KCNIP1: variants seen among roughly 807,000 people sequenced by gnomAD.
KCNIP1 encodes the protein potassium voltage-gated channel interacting protein 1.
A neutral mutation model predicts 33.0 loss-of-function variants in KCNIP1; 18 were observed. The ratio of observed to expected loss-of-function variants is 0.55; its 90% CI spans 0.38 to 0.81. The LOEUF is 0.81. Among genes scored for constraint, KCNIP1 ranks in the 30% least tolerant of loss-of-function variants. The pLI is 0.00. For missense variants in KCNIP1, 238 were observed against 271.6 expected (o/e 0.88, Z 0.87); for synonymous variants, 93 against 98.3 (o/e 0.95, Z 0.32).
intron 1 of KCNIP1, among the ~76,000 whole-genome samples, chr5:170,628,185 A>G (rs1195225867): frequency 6.6e-6 from 1 of 152,144 alleles, no homozygotes; most frequent in Non-Finnish European, 1.5e-5. Context: ...GGGCCTAGCA[A>G]CTTCTCAAGC....
intron 1 of KCNIP1, among the ~76,000 whole-genome samples, chr5:170,359,494 G>A: frequency 6.6e-6 from 1 of 152,094 alleles, no homozygotes; most frequent in East Asian, 1.9e-4. Flanking sequence ...TCCGAGTCCT[G>A]GCTCGCTCAC....
chr5:170,641,688 G>C (rs1329740491), intron 1 of KCNIP1, among the ~76,000 whole-genome samples: 2 of 152,190 alleles, frequency 1.3e-5, no homozygotes, highest in Non-Finnish European at 2.9e-5. Flanking sequence ...GTACCATCTG[G>C]CCAGGAACCG....
In KCNIP1 at chr5:170,686,789, C is replaced by G. The variant is rs117897423; in HGVS notation, c.62-31969C>G. Among the ~76,000 whole-genome samples the G allele has an allele frequency of 1.5e-3, 226 of 152,346 alleles. 3 individuals are homozygous for G. Among genetic ancestry groups the G allele is most frequent in the Admixed American group, 8.9e-3 (136 of 15,306 alleles). The stretch of plus-strand genomic sequence containing the variant: ...AGCCATGTGCTTAGTATATTCCATG[C>G]AGCACTCCACTGAGCCAGTGCCCTT... On this transcript the variant is annotated intron_variant, in intron 1 of 7. Coordinates refer to ENST00000328939, the MANE Select transcript of KCNIP1 (RefSeq NM_014592.4).
intron 1 of KCNIP1, among the ~76,000 whole-genome samples, chr5:170,512,355 T>G (rs1329486432): frequency 6.6e-6 from 1 of 152,208 alleles, no homozygotes; most frequent in Non-Finnish European, 1.5e-5. Context: ...ACACAAGAAC[T>G]TGCTAGTACA....
chr5:170,526,995 T>C (rs1210689004), intron 1 of KCNIP1, among the ~76,000 whole-genome samples: 1 of 152,166 alleles, frequency 6.6e-6, no homozygotes, highest in African/African-American at 2.4e-5. Context: ...AGTTCTGGGA[T>C]TACAGGTGTG....
intron 1 of KCNIP1, among the ~76,000 whole-genome samples, chr5:170,394,261 C>G (rs911259103): frequency 1.3e-5 from 2 of 152,184 alleles, no homozygotes; most frequent in Non-Finnish European, 2.9e-5. Flanking sequence ...CTTCCGCATG[C>G]TGGGAGCACC....
chr5:170,483,275 G>T (rs949063471), intron 1 of KCNIP1: 2 of 273,482 alleles, frequency 7.3e-6, no homozygotes, highest in East Asian at 2.4e-4. Context: ...GGACTAAAAA[G>T]ATGAAAGCCA....
chr5:170,604,552 T>A (rs1233871005), intron 1 of KCNIP1, among the ~76,000 whole-genome samples: 2 of 152,196 alleles, frequency 1.3e-5, no homozygotes, highest in Non-Finnish European at 2.9e-5. Context: ...TCTCTGTGAA[T>A]GGCGAGGCTT....
intron 1 of KCNIP1, chr5:170,375,022 T>C (rs1262023025): frequency 6.6e-6 from 1 of 152,176 alleles, no homozygotes; most frequent in Non-Finnish European, 1.5e-5. Flanking sequence ...TGTATTTTAG[T>C]CCCAAATTCA....
chr5:170,667,586 T>C (rs1181062571), intron 1 of KCNIP1, among the ~76,000 whole-genome samples: 1 of 152,196 alleles, frequency 6.6e-6, no homozygotes. Context: ...GAGTGTGTAC[T>C]GAGGGGCAGT....
At chr5:170,734,340 C>A (rs1385594813) in intron 7 of KCNIP1, among the ~76,000 whole-genome samples, 2 of 152,138 alleles carry the variant, frequency 1.3e-5, no homozygotes, top group African/African-American at 4.8e-5. Flanking sequence ...ATTTCCAGGC[C>A]TCAATCCCAG....
At position 170,540,476 on chromosome 5, in the gene KCNIP1, A is replaced by T. The variant is rs184336108; in HGVS notation, c.61+35843A>T. 1.6e-3 allele frequency among the ~76,000 whole-genome samples: 238 copies of T among 152,234 alleles called. 1 individual carries two copies. Among genetic ancestry groups the T allele is most frequent in the Non-Finnish European group, 1.2e-3 (84 of 68,020 alleles). On this transcript the variant is annotated intron_variant, in intron 1 of 7. Coordinates refer to ENST00000328939, the MANE Select transcript of KCNIP1 (RefSeq NM_014592.4). ...CAGCCCTGCTATGTGGATCTTGGGGACAATAATTTATCCACAATTACACTG... is the reference window on the plus strand; with the variant it reads ...CAGCCCTGCTATGTGGATCTTGGGGTCAATAATTTATCCACAATTACACTG...
At chr5:170,545,728 C>T (rs1039345515) in intron 1 of KCNIP1, among the ~76,000 whole-genome samples, 1 of 151,928 alleles carries the variant, frequency 6.6e-6, no homozygotes, top group Non-Finnish European at 1.5e-5. Flanking sequence ...TTTGAGAAGG[C>T]TATATGTTTT....
At chr5:170,624,278 G>C (rs970098568) in intron 1 of KCNIP1, among the ~76,000 whole-genome samples, 6 of 152,190 alleles carry the variant, frequency 3.9e-5, no homozygotes, top group Non-Finnish European at 8.8e-5. Context: ...TCTAGGTGCA[G>C]GGGATACAGC....
At chr5:170,493,101 G>A (rs1757241099) in intron 1 of KCNIP1, among the ~76,000 whole-genome samples, 1 of 152,164 alleles carries the variant, frequency 6.6e-6, no homozygotes, top group South Asian at 2.1e-4. Flanking sequence ...TGAGGTGCAG[G>A]TCAAATCCCT....
At chr5:170,409,537 C>T (rs974026703) in intron 1 of KCNIP1, among the ~76,000 whole-genome samples, 2 of 152,184 alleles carry the variant, frequency 1.3e-5, no homozygotes, top group Admixed American at 1.3e-4. Context: ...AGTAGTGACA[C>T]GCACAGGCTC....
intron 1 of KCNIP1, among the ~76,000 whole-genome samples, chr5:170,407,168 A>T (rs1581162577): frequency 6.6e-6 from 1 of 152,210 alleles, no homozygotes; most frequent in African/African-American, 2.4e-5. Flanking sequence ...GGACCAGCTA[A>T]CCATAGACGA....
rs1488952945 is a variant in KCNIP1 at position 170,704,136 on chromosome 5, T to C, written c.62-14622T>C. ...ATAGGATTAGTGCCAGATGATCACA[T>C]GCTCTGGTAGACAGGGGTCTGTGCA... is the stretch of plus-strand genomic sequence containing the variant. On this transcript the variant is annotated intron_variant, in intron 1 of 7. Coordinates refer to ENST00000328939, the MANE Select transcript of KCNIP1 (RefSeq NM_014592.4). Among the ~76,000 whole-genome samples the C allele has an allele frequency of 1.5e-5, 2 of 137,404 alleles. 1 individual carries two copies. The highest frequency in any genetic ancestry group is 3.0e-5 in the Non-Finnish European group (2 of 65,628). 90.1% of individuals were successfully genotyped at this position (137,404 alleles called of 152,430 possible). A position where few individuals can be genotyped will look rare whatever the true frequency, so the allele number is the denominator to read the frequency against.
At chr5:170,703,236 A>G (rs1763158580) in intron 1 of KCNIP1, among the ~76,000 whole-genome samples, 1 of 137,808 alleles carries the variant, frequency 7.3e-6, no homozygotes, top group African/African-American at 2.7e-5. Context: ...ACATGGTAGG[A>G]GGCAGAGGAA....
Sources: gnomAD v4.1 joint callset for allele counts (sites outside exome capture counted in the v4.1 genomes callset) on GRCh38, gnomAD v4.1.1 for gene constraint, MANE v1.5 for transcripts, NCBI Gene and HGNC (gene_info 2026-07-23, HGNC 2026-07-21) for gene names.